Variants in ARHGAP10 observed in about 807,000 individuals in gnomAD.
ARHGAP10 encodes the protein Rho GTPase activating protein 10.
A neutral mutation model predicts 108.6 loss-of-function variants in ARHGAP10; 87 were observed. That is an observed-to-expected ratio of 0.80 (90% CI 0.67 to 0.96). The LOEUF is 0.96. Among genes scored for constraint, ARHGAP10 ranks in the 40% least tolerant of loss-of-function variants. The pLI is 0.00. For synonymous variants in ARHGAP10, 347 were observed against 341.1 expected, an observed-to-expected ratio of 1.02 and a Z score of -0.19; for missense variants, 939 against 954.5, an observed-to-expected ratio of 0.98 and a Z score of 0.21.
At chr4:148,026,704 A>C (rs991913581) in intron 19 of ARHGAP10, among the ~76,000 whole-genome samples, 3 of 152,104 alleles carry the variant, frequency 2.0e-5, no homozygotes, top group Non-Finnish European at 4.4e-5. Flanking sequence ...CTCATCTTTT[A>C]TTTTGTTGAA....
chr4:147,737,604 C>T (rs1728474950), intron 1 of ARHGAP10, among the ~76,000 whole-genome samples: 1 of 151,920 alleles, frequency 6.6e-6, no homozygotes, highest in Admixed American at 6.6e-5. Flanking sequence ...GAAAGGAATA[C>T]TCATCTACAC....
intron 18 of ARHGAP10, among the ~76,000 whole-genome samples, chr4:148,022,295 T>G (rs1196271895): frequency 1.3e-5 from 2 of 152,162 alleles, no homozygotes; most frequent in African/African-American, 4.8e-5. Flanking sequence ...CCACATACAT[T>G]AGGTATTTGT....
intron 18 of ARHGAP10, among the ~76,000 whole-genome samples, chr4:148,012,812 G>A (rs1741215617): frequency 6.6e-6 from 1 of 151,742 alleles, no homozygotes; most frequent in Non-Finnish European, 1.5e-5. Context: ...TATATTGACT[G>A]TTTTCTTCCT....
At chr4:147,944,018 A>G (rs933919235) in intron 14 of ARHGAP10, among the ~76,000 whole-genome samples, 2 of 152,244 alleles carry the variant, frequency 1.3e-5, no homozygotes, top group African/African-American at 4.8e-5. Context: ...TGGAAATAAA[A>G]GATTTCCTTT....
chr4:147,770,745 C>T (rs1005469609), intron 1 of ARHGAP10, among the ~76,000 whole-genome samples: 2 of 152,192 alleles, frequency 1.3e-5, no homozygotes, highest in Admixed American at 1.3e-4. Flanking sequence ...AGTTACTTAG[C>T]CCATCTGAGC....
At chr4:147,953,367 T>C (rs1259739621) in intron 15 of ARHGAP10, among the ~76,000 whole-genome samples, 1 of 152,056 alleles carries the variant, frequency 6.6e-6, no homozygotes, top group Admixed American at 6.5e-5. Flanking sequence ...AATTGTTTGG[T>C]AGAATTCATT....
At chr4:147,804,512 A>G (rs1731704964) in intron 1 of ARHGAP10, among the ~76,000 whole-genome samples, 1 of 152,204 alleles carries the variant, frequency 6.6e-6, no homozygotes, top group Non-Finnish European at 1.5e-5. Context: ...CTCTCTGGGT[A>G]TATACCCAAT....
At chr4:147,767,150 C>G (rs188575536) in intron 1 of ARHGAP10, among the ~76,000 whole-genome samples, 65 of 152,168 alleles carry the variant, frequency 4.3e-4, no homozygotes, top group Middle Eastern at 3.4e-3. Context: ...CGCGCCCAGT[C>G]TACCTGTATG....
chr4:147,787,905 A>G (rs1730957955), intron 1 of ARHGAP10, among the ~76,000 whole-genome samples: 1 of 152,194 alleles, frequency 6.6e-6, no homozygotes. Context: ...TGACTTAGAA[A>G]GTGAATAAGG....
At chr4:147,988,185 A>G (rs991609741) in intron 18 of ARHGAP10, among the ~76,000 whole-genome samples, 1 of 152,208 alleles carries the variant, frequency 6.6e-6, no homozygotes, top group Non-Finnish European at 1.5e-5. Context: ...TCTGGTCAAC[A>G]TAGTTTTAGG....
intron 1 of ARHGAP10, among the ~76,000 whole-genome samples, chr4:147,779,253 G>A (rs997061249): frequency 6.6e-6 from 1 of 152,136 alleles, no homozygotes; most frequent in Non-Finnish European, 1.5e-5. Flanking sequence ...CAGAGGTGGA[G>A]GGTAGGACAG....
At chr4:147,955,574 A>G (rs1738760501) in intron 16 of ARHGAP10, among the ~76,000 whole-genome samples, 200 bp downstream of exon 16, 1 of 152,150 alleles carries the variant, frequency 6.6e-6, no homozygotes, top group Admixed American at 6.6e-5. Context: ...ATTCACATAC[A>G]TTAATTATTT....
chr4:147,836,644 T>C (rs1222879734), intron 3 of ARHGAP10, among the ~76,000 whole-genome samples: 1 of 66,910 alleles, frequency 1.5e-5, no homozygotes, highest in Admixed American at 1.7e-4. Flanking sequence ...TGTGCGTGGG[T>C]TCCTTAAATC....
chr4:147,992,559 C>G (rs1010695059), intron 18 of ARHGAP10, among the ~76,000 whole-genome samples: 2 of 152,064 alleles, frequency 1.3e-5, no homozygotes, highest in Non-Finnish European at 2.9e-5. Flanking sequence ...GCGCCCACCA[C>G]CAACCCCAGC....
intron 3 of ARHGAP10, among the ~76,000 whole-genome samples, chr4:147,836,639 G>A (rs534073687): frequency 4.1e-4 from 33 of 80,046 alleles, no homozygotes; most frequent in African/African-American, 6.9e-4. Flanking sequence ...AGCTTTGTGC[G>A]TGGGTTCCTT....
At chr4:147,801,726 A>G (rs1731590435) in intron 1 of ARHGAP10, among the ~76,000 whole-genome samples, 1 of 152,252 alleles carries the variant, frequency 6.6e-6, no homozygotes, top group South Asian at 2.1e-4. Flanking sequence ...TTAATCTCAT[A>G]GCTTAGCATT....
intron 10 of ARHGAP10, among the ~76,000 whole-genome samples, chr4:147,883,673 C>T (rs1311676713): frequency 1.3e-5 from 2 of 152,048 alleles, no homozygotes; most frequent in Non-Finnish European, 1.5e-5. Flanking sequence ...CCTCCTAGAG[C>T]CCCACATCTT....
intron 11 of ARHGAP10, among the ~76,000 whole-genome samples, 153 bp from the exon 12 acceptor site, chr4:147,909,579 A>G (rs1166886590): frequency 6.6e-6 from 1 of 152,230 alleles, no homozygotes; most frequent in African/African-American, 2.4e-5. Context: ...TGTGTCAGGA[A>G]GTGGGGATGC....
At chr4:147,768,216 T>C (rs1341881888) in intron 1 of ARHGAP10, among the ~76,000 whole-genome samples, 4 of 152,218 alleles carry the variant, frequency 2.6e-5, no homozygotes, top group Non-Finnish European at 5.9e-5. Context: ...TGGCATCTTC[T>C]TCCTCTCTGG....
Sources: gnomAD v4.1 joint callset for allele counts (sites outside exome capture counted in the v4.1 genomes callset) on GRCh38, gnomAD v4.1.1 for gene constraint, MANE v1.5 for transcripts, NCBI Gene and HGNC (gene_info 2026-07-23, HGNC 2026-07-21) for gene names.